GRIK4: variants seen among roughly 807,000 people sequenced by gnomAD.
GRIK4 encodes glutamate ionotropic receptor kainate type subunit 4.
Under a neutral mutation model 104.9 loss-of-function variants are expected in GRIK4, and 40 were observed. The ratio of observed to expected loss-of-function variants is 0.38; its 90% CI spans 0.30 to 0.50. The LOEUF (loss-of-function observed/expected upper bound fraction) is 0.50. Among genes scored for constraint, GRIK4 ranks in the 20% least tolerant of loss-of-function variants. The probability of loss-of-function intolerance (pLI) is 0.93; values close to 1 mark genes in which losing one functional copy is unlikely to be tolerated. For synonymous variants in GRIK4, 485 were observed against 524.9 expected, an observed-to-expected ratio of 0.92 and a Z score of 1.04; for missense variants, 1,047 against 1,308.1, an observed-to-expected ratio of 0.80 and a Z score of 3.08.
chr11:120,822,211 C>CAAAA (rs34732807), intron 6 of GRIK4, among the ~76,000 whole-genome samples: 9 of 71,622 alleles, frequency 1.3e-4, no homozygotes, highest in Non-Finnish European at 2.2e-4. Context: ...AACCCTATCT[C>CAAAA]AAAAAAAAAA....
At chr11:120,556,618 A>G (rs1948188832) in intron 1 of GRIK4, among the ~76,000 whole-genome samples, 1 of 151,914 alleles carries the variant, frequency 6.6e-6, no homozygotes, top group Admixed American at 6.6e-5. Flanking sequence ...TGATCTCTCT[A>G]AGACCCCAGG....
chr11:120,662,514 TG>T (rs1288497489), intron 3 of GRIK4, among the ~76,000 whole-genome samples: 2 of 152,170 alleles, frequency 1.3e-5, no homozygotes, highest in Non-Finnish European at 2.9e-5. Context: ...GCTAATTACA[TG>T]GACTCCAGAG....
intron 19 of GRIK4, among the ~76,000 whole-genome samples, chr11:120,977,521 G>A (rs548825847): frequency 3.3e-5 from 5 of 152,200 alleles, no homozygotes; most frequent in Admixed American, 6.5e-5. Context: ...CCCACTCCCC[G>A]CTCCATCTGT....
At chr11:120,728,458 G>C (rs566734959) in intron 3 of GRIK4, among the ~76,000 whole-genome samples, 1 of 152,202 alleles carries the variant, frequency 6.6e-6, no homozygotes, top group African/African-American at 2.4e-5. Context: ...ACTAGAGAGA[G>C]ATTGACATAA....
At chr11:120,742,478 T>A (rs1033455396) in intron 3 of GRIK4, among the ~76,000 whole-genome samples, 1 of 151,376 alleles carries the variant, frequency 6.6e-6, no homozygotes, top group African/African-American at 2.4e-5. Context: ...AACCACGAGA[T>A]ACCATCTCAC....
chr11:120,564,205 C>A (rs897105757), intron 1 of GRIK4, among the ~76,000 whole-genome samples: 1 of 152,242 alleles, frequency 6.6e-6, no homozygotes, highest in Non-Finnish European at 1.5e-5. Context: ...CAACTCGCCC[C>A]GCTCAGACGG....
intron 3 of GRIK4, among the ~76,000 whole-genome samples, chr11:120,796,783 C>A (rs1279861999): frequency 4.0e-5 from 6 of 151,456 alleles, no homozygotes; most frequent in Non-Finnish European, 1.5e-5. Flanking sequence ...AGGGACAGCT[C>A]TTCAGAGAGT....
intron 3 of GRIK4, among the ~76,000 whole-genome samples, chr11:120,744,552 T>A (rs1414124375): frequency 6.6e-6 from 1 of 152,148 alleles, no homozygotes; most frequent in Non-Finnish European, 1.5e-5. Context: ...AGTCGTGGTG[T>A]CCCAGCAACT....
At position 120,814,517 on chromosome 11, in the gene GRIK4, C is replaced by A. The variant is rs1952892920; in HGVS notation, c.248-861C>A. Reference sequence around the variant, plus strand: ...CCTGAGGCAGGAGAATTGCTTGAACCTGGGAGGCGGAGGTTGCAGTGAGCC... The same window carrying A: ...CCTGAGGCAGGAGAATTGCTTGAACATGGGAGGCGGAGGTTGCAGTGAGCC... On this transcript the variant is annotated intron_variant, in intron 4 of 20. Transcript: ENST00000527524. 2.0e-5 allele frequency among the ~76,000 whole-genome samples: 3 copies of A among 152,170 alleles called. No individual in the cohort carries two copies. The South Asian group carries it at 6.2e-4, about 31-fold the overall frequency.
chr11:120,956,939 T>C lies in GRIK4; in HGVS notation c.1860T>C (p.Cys620=). The change falls in exon 16 of 21, where the codon TGT becomes TGC. Residue 620 remains cysteine, a synonymous_variant. Coordinates refer to ENST00000527524, the MANE Select transcript of GRIK4 (RefSeq NM_014619.5). The surrounding 1 kb of genome is among the most constrained non-coding windows in gnomAD (Gnocchi z 4.6). ...CCCCTCGCGCCTTATCCACCCGCTGTGTCAGTGGCGTCTGGTAAGGCCCCA... is the reference window on the plus strand; with the variant it reads ...CCCCTCGCGCCTTATCCACCCGCTGCGTCAGTGGCGTCTGGTAAGGCCCCA... ...TIAPRALSTR[C]VSGVWWAFTL... 1.9e-6 allele frequency: 3 copies of C among 1,609,670 alleles called. No homozygotes were observed. The highest frequency in any genetic ancestry group is 2.5e-6 in the Non-Finnish European group (3 of 1,177,856).
intron 1 of GRIK4, among the ~76,000 whole-genome samples, chr11:120,584,752 G>T (rs1948636635): frequency 6.6e-6 from 1 of 152,202 alleles, no homozygotes; most frequent in Non-Finnish European, 1.5e-5. Flanking sequence ...TGCATAGTGT[G>T]TTGAGGGTTG....
chr11:120,610,392 T>G (rs1949019879), intron 1 of GRIK4, among the ~76,000 whole-genome samples: 1 of 152,250 alleles, frequency 6.6e-6, no homozygotes, highest in South Asian at 2.1e-4. Context: ...AGATTGTTTA[T>G]TCTTGTGTGC....
intron 13 of GRIK4, among the ~76,000 whole-genome samples, chr11:120,918,084 T>C (rs1943149193): frequency 6.6e-6 from 1 of 152,180 alleles, no homozygotes; most frequent in Non-Finnish European, 1.5e-5. Flanking sequence ...GATGAGGATG[T>C]TACCTGTGGG....
chr11:120,638,449 C>T (rs926508693), intron 1 of GRIK4, among the ~76,000 whole-genome samples: 1 of 151,484 alleles, frequency 6.6e-6, no homozygotes, highest in Non-Finnish European at 1.5e-5. Context: ...TATCCTCATG[C>T]TCTGCTACCT....
At chr11:120,758,576 T>C (rs563461707) in intron 3 of GRIK4, among the ~76,000 whole-genome samples, 10 of 152,170 alleles carry the variant, frequency 6.6e-5, no homozygotes, top group African/African-American at 2.4e-4. Context: ...AGAAATCCCG[T>C]AGTAAAGGCC....
chr11:120,654,237 G>T (rs1214431046), intron 2 of GRIK4, among the ~76,000 whole-genome samples: 1 of 152,206 alleles, frequency 6.6e-6, no homozygotes, highest in Admixed American at 6.5e-5. Flanking sequence ...TGCTGTTTTT[G>T]TTGCGTGAGC....
At chr11:120,834,555 G>A (rs1212877316) in intron 7 of GRIK4, among the ~76,000 whole-genome samples, 6 of 152,072 alleles carry the variant, frequency 3.9e-5, no homozygotes, top group South Asian at 2.1e-4. Context: ...CTGGGGCTCC[G>A]TACTCTTCCC....
chr11:120,816,376 G>T (rs1207625936), intron 5 of GRIK4, among the ~76,000 whole-genome samples: 1 of 152,102 alleles, frequency 6.6e-6, no homozygotes, highest in East Asian at 1.9e-4. Flanking sequence ...GATGGAGCTT[G>T]GTGGTCAGGC....
intron 13 of GRIK4, among the ~76,000 whole-genome samples, chr11:120,910,819 G>A (rs1452977254): frequency 6.6e-6 from 1 of 152,204 alleles, no homozygotes; most frequent in East Asian, 1.9e-4. Context: ...TACTGGAGAA[G>A]GGCTCTGAAC....
Sources: allele counts gnomAD v4.1 joint callset (sites outside exome capture counted in the v4.1 genomes callset), GRCh38; gene constraint gnomAD v4.1.1; non-coding constraint Gnocchi (gnomAD v3.1); transcripts MANE v1.5; gene names NCBI Gene and HGNC (gene_info 2026-07-23, HGNC 2026-07-21).